DCUN1D4: variants seen among roughly 807,000 people sequenced by gnomAD.
DCUN1D4 encodes DCN1-like protein 4.
In DCUN1D4, 22 loss-of-function variants were observed where a neutral mutation model predicts 47.9. That is an observed-to-expected ratio of 0.46 (90% CI 0.33 to 0.66). The LOEUF (loss-of-function observed/expected upper bound fraction) is 0.66, where lower values mean the gene tolerates loss of function less well. Among genes scored for constraint, DCUN1D4 ranks in the 30% least tolerant of loss-of-function variants. The pLI, the probability that DCUN1D4 is intolerant of heterozygous loss-of-function variation, is 0.02. For missense variants in DCUN1D4, 301 were observed against 340.8 expected, an observed-to-expected ratio of 0.88 and a Z score of 0.92; for synonymous variants, 121 against 112.2, an observed-to-expected ratio of 1.08 and a Z score of -0.50.
At chr4:51,877,888 C>A in intron 5 of DCUN1D4, 34 bp downstream of exon 5, 1 of 1,399,018 alleles carries the variant, frequency 7.1e-7, no homozygotes, top group Non-Finnish European at 9.9e-7. Flanking sequence ...AAGACTGATC[C>A]TTATGACAAT....
At chr4:51,834,105 TTTTTTTTTC>T in the DCUN1D4 span, among the ~76,000 whole-genome samples, 33 of 120,834 alleles carry the variant, frequency 2.7e-4, 5 homozygotes, top group African/African-American at 1.3e-3. Flanking sequence ...TCTTCTTTCT[TTTTTTTTTC>T]TTTTTTTTTT....
chr4:51,848,333 G>T, intron 1 of DCUN1D4: 1 of 1,285,300 alleles, frequency 7.8e-7, no homozygotes, highest in South Asian at 1.2e-5. Context: ...TCGTGTCAGC[G>T]TCCTACCTGC....
chr4:51,896,512 C>G (rs1731289740), intron 7 of DCUN1D4, among the ~76,000 whole-genome samples: 1 of 152,046 alleles, frequency 6.6e-6, no homozygotes, highest in Non-Finnish European at 1.5e-5. Context: ...GGACCTCGAC[C>G]TTATGTTTTT....
chr4:51,897,754 C>G (rs906767523), intron 7 of DCUN1D4, among the ~76,000 whole-genome samples: 12 of 152,166 alleles, frequency 7.9e-5, no homozygotes, highest in African/African-American at 2.7e-4. Flanking sequence ...TGCTCAGAGA[C>G]TTGTGGGGGA....
chr4:51,883,103 A>G (rs551131165), intron 5 of DCUN1D4, among the ~76,000 whole-genome samples: 1 of 152,248 alleles, frequency 6.6e-6, no homozygotes, highest in South Asian at 2.1e-4. Flanking sequence ...CATAAAATGT[A>G]TTAATATTAG....
intron 1 of DCUN1D4, chr4:51,845,011 C>G (rs1722303652): frequency 2.0e-6 from 2 of 985,522 alleles, no homozygotes; most frequent in Non-Finnish European, 2.4e-6. Context: ...AGGCGCAGCC[C>G]TCTTCACGCT....
chr4:51,840,294 GA>G (rs1173230038), upstream of DCUN1D4, among the ~76,000 whole-genome samples: 1 of 151,920 alleles, frequency 6.6e-6, no homozygotes, highest in Admixed American at 6.6e-5. Context: ...TTTACATATT[GA>G]AAAAAATCCT....
At chr4:51,867,375 C>CT (rs983574535) in intron 3 of DCUN1D4, among the ~76,000 whole-genome samples, 2 of 152,240 alleles carry the variant, frequency 1.3e-5, no homozygotes, top group Non-Finnish European at 2.9e-5. Flanking sequence ...CGTTTCAGCC[C>CT]TGTTTGTGTT....
intron 3 of DCUN1D4, among the ~76,000 whole-genome samples, chr4:51,863,929 C>A (rs940592522): frequency 3.3e-5 from 5 of 152,140 alleles, no homozygotes; most frequent in African/African-American, 1.2e-4. Flanking sequence ...TTTAAAGAGG[C>A]TCGGGATTCT....
intron 8 of DCUN1D4, chr4:51,910,776 C>A (rs1442799372): frequency 5.3e-6 from 2 of 378,066 alleles, no homozygotes; most frequent in South Asian, 5.2e-5. Flanking sequence ...TTTATTAATC[C>A]CATGAAAAGC....
chr4:51,848,711 A>G (rs979392127), intron 1 of DCUN1D4, among the ~76,000 whole-genome samples: 1 of 152,248 alleles, frequency 6.6e-6, no homozygotes, highest in African/African-American at 2.4e-5. Flanking sequence ...TCTAAATAGA[A>G]TTAGGTATTT....
chr4:51,863,725 A>G lies in DCUN1D4; in HGVS notation c.136+16A>G. 1 of 1,608,916 alleles carries G rather than the reference A, an allele frequency of 6.2e-7. No individual in the cohort carries two copies. Among genetic ancestry groups the G allele is most frequent in the South Asian group, 1.1e-5 (1 of 89,960 alleles). ...CACCAAACAGGTATCTGTAAATGCT[A>G]ACACTACTTAATTTTAAATAGCTTC... On this transcript the variant is annotated intron_variant, in intron 3 of 10. Coordinates refer to ENST00000334635, the MANE Select transcript of DCUN1D4 (RefSeq NM_001040402.3).
chr4:51,873,005 TAGCTATATAACATTTCTCATTCTTC>T (rs1224007427), intron 3 of DCUN1D4, among the ~76,000 whole-genome samples: 1 of 152,092 alleles, frequency 6.6e-6, no homozygotes, highest in Non-Finnish European at 1.5e-5. Flanking sequence ...TCCTGAGAGG[TAGCTATATAACATTTCTCATTCTTC>T]AAATGGCGAA....
Position 51,913,381 on chromosome 4 carries a change from A to C in DCUN1D4, c.812A>C (p.Glu271Ala). ...TINLDLSNYD[E>A]DGAWPVLLDE... ...AATCTTGACCTCAGCAACTATGATGAAGATGGAGCATGTAAGTACTGCCGC... is the reference window on the plus strand; with the variant it reads ...AATCTTGACCTCAGCAACTATGATGCAGATGGAGCATGTAAGTACTGCCGC... The change falls in exon 10 of 11, where the codon GAA (glutamate) becomes GCA (alanine). Residue 271 changes from glutamate (E) to alanine (A), a missense_variant. Transcript: ENST00000334635. 1.2e-6 allele frequency: 2 copies of C among 1,611,578 alleles called. No homozygotes were observed. Among genetic ancestry groups the C allele is most frequent in the Non-Finnish European group, 1.7e-6 (2 of 1,178,154 alleles).
chr4:51,874,927 C>G (rs773445848), intron 4 of DCUN1D4: 1 of 152,200 alleles, frequency 6.6e-6, no homozygotes, highest in Non-Finnish European at 1.5e-5. Flanking sequence ...CTGTTAGATT[C>G]GTTTATTTCA....
intron 6 of DCUN1D4, chr4:51,886,883 C>G: frequency 2.1e-6 from 1 of 470,964 alleles, no homozygotes; most frequent in South Asian, 2.1e-5. Flanking sequence ...GTACAGTAAG[C>G]CAGATGCTTA....
intron 1 of DCUN1D4, among the ~76,000 whole-genome samples, chr4:51,861,531 TTTAA>T (rs2109886959): frequency 6.6e-6 from 1 of 152,020 alleles, no homozygotes; most frequent in South Asian, 2.1e-4. Context: ...ATTTTGGGAG[TTTAA>T]TTAACAGCAG....
chr4:51,872,603 G>T (rs1358774427), intron 3 of DCUN1D4, among the ~76,000 whole-genome samples: 1 of 152,104 alleles, frequency 6.6e-6, no homozygotes, highest in African/African-American at 2.4e-5. Flanking sequence ...TTTCCTTCCT[G>T]CCTGGGTTTT....
intron 1 of DCUN1D4, among the ~76,000 whole-genome samples, chr4:51,854,313 T>A (rs1007465056): frequency 1.3e-5 from 2 of 152,228 alleles, no homozygotes; most frequent in Admixed American, 6.5e-5. Context: ...ATTTTATATT[T>A]CAGGTTATTT....
Sources: allele counts gnomAD v4.1 joint callset (sites outside exome capture counted in the v4.1 genomes callset), GRCh38; gene constraint gnomAD v4.1.1; transcripts MANE v1.5; gene names NCBI Gene and HGNC (gene_info 2026-07-23, HGNC 2026-07-21).